The following EYS variants were observed in gnomAD, a reference collection of about 807,000 sequenced individuals.
The protein encoded by EYS is EGF-like photoreceptor maintenance factor.
In EYS, 250 loss-of-function variants were observed where a neutral mutation model predicts 282.1. The observed-to-expected ratio is 0.89, with a 90% CI of 0.80 to 0.98. The LOEUF (loss-of-function observed/expected upper bound fraction) is 0.98. EYS is among the 50% of genes least tolerant of loss of function. The pLI, the probability that EYS is intolerant of heterozygous loss-of-function variation, is 0.00. For synonymous variants in EYS, 1,355 were observed against 1,282.9 expected, an observed-to-expected ratio of 1.06 and a Z score of -1.20; for missense variants, 4,016 against 3,709.0, an observed-to-expected ratio of 1.08 and a Z score of -2.15.
rs1771327060 is a variant in EYS at position 63,821,576 on chromosome 6, AGGTT to A, written c.7229-15208_7229-15205del. ...TGCAATGAAGGAGAAAGCCAATGAC[AGGTT>A]GCTTCTTGACTGGAATTGTTCAGCA... On this transcript the variant is annotated intron_variant, in intron 36 of 42. Coordinates refer to ENST00000503581, the MANE Select transcript of EYS (RefSeq NM_001142800.2). The A allele has an allele frequency of 7.9e-5, 12 of 152,396 alleles. No individual in the cohort carries two copies. In the South Asian group the frequency reaches 2.5e-3, roughly 32 times the overall value. The allele number at this position is 152,396 out of a possible 1,614,324, so 9.4% of individuals were successfully genotyped here. A position where few individuals can be genotyped will look rare whatever the true frequency, so the allele number is the denominator to read the frequency against.
At chr6:63,787,916 G>T (rs1018769943) in intron 39 of EYS, among the ~76,000 whole-genome samples, 189 bp downstream of exon 39, 1 of 152,066 alleles carries the variant, frequency 6.6e-6, no homozygotes, top group African/African-American at 2.4e-5. Context: ...TCCAGCCTGG[G>T]CAACAAGAGC....
At chr6:64,078,670 A>G (rs1158151486) in intron 32 of EYS, among the ~76,000 whole-genome samples, 1 of 152,108 alleles carries the variant, frequency 6.6e-6, no homozygotes, top group African/African-American at 2.4e-5. Context: ...CAACAATTAT[A>G]TAAGACAAGG....
At chr6:64,823,617 T>A (rs1374063860) in intron 19 of EYS, among the ~76,000 whole-genome samples, 1 of 152,002 alleles carries the variant, frequency 6.6e-6, no homozygotes, top group Non-Finnish European at 1.5e-5. Context: ...CTTATAGGTG[T>A]GCCCTGCCCT....
chr6:64,765,778 C>T (rs529840534), intron 22 of EYS, among the ~76,000 whole-genome samples: 2 of 152,162 alleles, frequency 1.3e-5, no homozygotes, highest in East Asian at 1.9e-4. Flanking sequence ...ATCATGAGAA[C>T]AGCTTGGAGG....
intron 12 of EYS, among the ~76,000 whole-genome samples, chr6:65,273,831 C>A (rs556470898): frequency 5.9e-5 from 9 of 152,220 alleles, no homozygotes; most frequent in Middle Eastern, 3.4e-3. Context: ...TTTTTGTATG[C>A]GAATCCACTG....
At chr6:65,219,073 A>C (rs1766392236) in intron 12 of EYS, among the ~76,000 whole-genome samples, 1 of 152,160 alleles carries the variant, frequency 6.6e-6, no homozygotes, top group Admixed American at 6.5e-5. Flanking sequence ...TAGAAGATAT[A>C]TCTTCCAAAT....
chr6:63,795,436 A>C (rs546347742), intron 37 of EYS, among the ~76,000 whole-genome samples: 14 of 152,222 alleles, frequency 9.2e-5, no homozygotes, highest in African/African-American at 3.4e-4. Context: ...AGTTGAGACA[A>C]GAGTGTCAGG....
chr6:64,909,849 A>G (rs1033208729), intron 16 of EYS, among the ~76,000 whole-genome samples: 3 of 152,134 alleles, frequency 2.0e-5, no homozygotes, highest in Non-Finnish European at 2.9e-5. Context: ...ATGCAGTCTG[A>G]CGTAAACCCA....
intron 5 of EYS, among the ~76,000 whole-genome samples, chr6:65,482,621 T>C (rs1340889511): frequency 3.3e-5 from 5 of 152,220 alleles, no homozygotes. Flanking sequence ...AATGGAGAAA[T>C]ATGTACTTTA....
intron 30 of EYS, among the ~76,000 whole-genome samples, chr6:64,261,678 T>G (rs960052834): frequency 1.3e-5 from 2 of 152,130 alleles, no homozygotes; most frequent in Non-Finnish European, 2.9e-5. Flanking sequence ...TCAAAGGAGT[T>G]TTCATGGTAT....
chr6:64,390,659 C>A (rs1337718758), intron 28 of EYS, among the ~76,000 whole-genome samples: 1 of 149,342 alleles, frequency 6.7e-6, no homozygotes, highest in African/African-American at 2.5e-5. Context: ...GTAGATAAAA[C>A]CACAAAGATG....
intron 26 of EYS, among the ~76,000 whole-genome samples, chr6:64,576,343 T>C (rs917032004): frequency 2.0e-5 from 3 of 152,074 alleles, no homozygotes; most frequent in Non-Finnish European, 2.9e-5. Context: ...TTGTAATGAA[T>C]ATATGCCCAA....
chr6:64,705,909 G>T (rs368997836), intron 22 of EYS, among the ~76,000 whole-genome samples: 1 of 149,832 alleles, frequency 6.7e-6, no homozygotes, highest in African/African-American at 2.5e-5. Flanking sequence ...AGGGTGCAGC[G>T]CACCAGCATG....
chr6:64,292,226 G>A (rs1172221149), intron 30 of EYS, among the ~76,000 whole-genome samples: 1 of 152,058 alleles, frequency 6.6e-6, no homozygotes, highest in East Asian at 1.9e-4. Flanking sequence ...ACACGGCAGA[G>A]GCACTCTTTC....
chr6:65,232,105 C>A (rs1458632086), intron 12 of EYS, among the ~76,000 whole-genome samples: 1 of 151,928 alleles, frequency 6.6e-6, no homozygotes, highest in East Asian at 1.9e-4. Context: ...ATATTATATA[C>A]AGTTTCTTCA....
Position 64,321,186 on chromosome 6 carries a change from G to T in EYS, c.6079-14104C>A, listed in dbSNP as rs576466915. 2.4e-3 allele frequency among the ~76,000 whole-genome samples: 361 copies of T among 148,780 alleles called. 1 individual carries two copies. The highest frequency in any genetic ancestry group is 8.4e-3 in the African/African-American group (346 of 41,190). On this transcript the variant is annotated intron_variant, in intron 29 of 42. Coordinates refer to ENST00000503581, the MANE Select transcript of EYS (RefSeq NM_001142800.2). ...TTTACAGATATAAATCCCTCTTTTT[G>T]TTATTCAAATACTATGAACACTTAT...
At position 63,721,435 on chromosome 6, in the gene EYS, T is replaced by A. The variant is rs2149625031; in HGVS notation, c.8596A>T (p.Lys2866Ter). The part of the protein sequence containing the change: ...QELQLTEFGA[K>*]GGSNVGDCDG... ...CAGTCACCTACATTTGAGCCACCTT[T>A]TGCTCCAAATTCAGTTAATTGTAAT... Residue 2866 changes from lysine to a stop codon, truncating the protein, a stop_gained, in exon 43 of 43, where the codon AAA becomes TAA. Transcript: ENST00000503581. LOFTEE classifies it low-confidence loss of function (END_TRUNC). 6.4e-7 allele frequency: 1 copy of A among 1,551,692 alleles called. No individual in the cohort carries two copies. The highest frequency in any genetic ancestry group is 1.2e-5 in the South Asian group (1 of 84,062).
chr6:64,834,352 A>G (rs1765318017), intron 19 of EYS, among the ~76,000 whole-genome samples: 1 of 151,876 alleles, frequency 6.6e-6, no homozygotes, highest in African/African-American at 2.4e-5. Context: ...TAGTAAATTC[A>G]TTTCTAGTTG....
intron 31 of EYS, among the ~76,000 whole-genome samples, chr6:64,165,645 C>T (rs936293153): frequency 2.6e-5 from 4 of 152,098 alleles, no homozygotes; most frequent in African/African-American, 9.7e-5. Flanking sequence ...TTCTCTGGGG[C>T]TTTCACAAGT....
Sources: allele counts gnomAD v4.1 joint callset (sites outside exome capture counted in the v4.1 genomes callset), GRCh38; gene constraint gnomAD v4.1.1; transcripts MANE v1.5; gene names NCBI Gene and HGNC (gene_info 2026-07-23, HGNC 2026-07-21).